Variants in GRIP1 observed in about 807,000 individuals in gnomAD.
GRIP1 encodes the protein glutamate receptor-interacting protein 1.
GRIP1 carries 45 observed loss-of-function variants against 129.9 expected under a neutral mutation model. That is an observed-to-expected ratio of 0.35 (90% CI 0.27 to 0.44). The LOEUF is 0.44. GRIP1 is among the 20% of genes least tolerant of loss of function. The pLI, the probability that GRIP1 is intolerant of heterozygous loss-of-function variation, is 1.00. For synonymous variants in GRIP1, 530 were observed against 520.8 expected (o/e 1.02, Z -0.24); for missense variants, 1,196 against 1,396.8 (o/e 0.86, Z 2.29).
At chr12:66,407,184 T>C (rs1565707735) in intron 15 of GRIP1, among the ~76,000 whole-genome samples, 1 of 152,186 alleles carries the variant, frequency 6.6e-6, no homozygotes, top group Non-Finnish European at 1.5e-5. Context: ...CCTTCCCTTC[T>C]TTTAAGTTAC....
chr12:66,658,132 G>T (rs371024497), intron 1 of GRIP1, among the ~76,000 whole-genome samples: 1 of 151,866 alleles, frequency 6.6e-6, no homozygotes, highest in Non-Finnish European at 1.5e-5. Context: ...ATATATATAA[G>T]AATATTTATA....
intron 1 of GRIP1, among the ~76,000 whole-genome samples, chr12:66,800,144 A>C (rs1196463090): frequency 1.3e-5 from 2 of 152,202 alleles, no homozygotes; most frequent in Non-Finnish European, 2.9e-5. Flanking sequence ...AAATGAAATA[A>C]TTTGTACATA....
intron 1 of GRIP1, among the ~76,000 whole-genome samples, chr12:66,602,836 C>G (rs748171449): frequency 6.8e-6 from 1 of 146,316 alleles, no homozygotes; most frequent in Non-Finnish European, 1.5e-5. Context: ...CCTAAAGGGA[C>G]CAGATCTTTT....
intron 1 of GRIP1, among the ~76,000 whole-genome samples, chr12:67,063,682 A>G (rs1022372307): frequency 3.3e-5 from 5 of 152,232 alleles, no homozygotes; most frequent in African/African-American, 7.2e-5. Flanking sequence ...AAATGCCTTT[A>G]ATAGTTTGCC....
chr12:67,011,512 C>T (rs182702202), intron 1 of GRIP1, among the ~76,000 whole-genome samples: 203 of 152,246 alleles, frequency 1.3e-3, no homozygotes, highest in Non-Finnish European at 1.4e-3. Context: ...GCTCCACTGG[C>T]CTTCCTTTAT....
At chr12:66,395,923 G>C (rs1439618091) in intron 16 of GRIP1, among the ~76,000 whole-genome samples, 1 of 152,086 alleles carries the variant, frequency 6.6e-6, no homozygotes. Flanking sequence ...CAAGATAGAG[G>C]GTAACCAAAT....
chr12:66,420,200 A>C (rs951959625), intron 15 of GRIP1, among the ~76,000 whole-genome samples: 2 of 152,184 alleles, frequency 1.3e-5, no homozygotes, highest in Non-Finnish European at 2.9e-5. Context: ...ATGGTCTTAT[A>C]TCAGTATCCT....
intron 1 of GRIP1, among the ~76,000 whole-genome samples, chr12:66,980,384 G>A (rs1459890482): frequency 4.6e-5 from 7 of 151,992 alleles, no homozygotes; most frequent in East Asian, 1.9e-4. Context: ...AGGCTGAGGC[G>A]GGTGAGTTAC....
chr12:66,446,658 C>T (rs2058639881), intron 11 of GRIP1, among the ~76,000 whole-genome samples: 1 of 152,188 alleles, frequency 6.6e-6, no homozygotes, highest in African/African-American at 2.4e-5. Flanking sequence ...GACTTCAGGA[C>T]TTGCCTCTTA....
intron 1 of GRIP1, among the ~76,000 whole-genome samples, chr12:66,620,837 C>A (rs1226113960): frequency 4.0e-5 from 6 of 151,874 alleles, no homozygotes; most frequent in Non-Finnish European, 8.8e-5. Flanking sequence ...GGTGCATAAG[C>A]TGCTTCTTCC....
intron 23 of GRIP1, among the ~76,000 whole-genome samples, chr12:66,354,379 T>C (rs752871392): frequency 6.6e-6 from 1 of 152,162 alleles, no homozygotes; most frequent in Non-Finnish European, 1.5e-5. Flanking sequence ...GTTCCTACCA[T>C]ATTGTAAGCA....
chr12:67,058,091 G>A (rs1488331767), intron 1 of GRIP1, among the ~76,000 whole-genome samples: 2 of 152,184 alleles, frequency 1.3e-5, no homozygotes, highest in Non-Finnish European at 2.9e-5. Flanking sequence ...ATCAGTAATA[G>A]TAGATATAAA....
chr12:66,363,229 AAAGTTTCTG>A (rs2054915102), intron 23 of GRIP1, among the ~76,000 whole-genome samples: 1 of 129,690 alleles, frequency 7.7e-6, no homozygotes, highest in African/African-American at 2.8e-5. Flanking sequence ...ATATATATAT[AAAGTTTCTG>A]TATCTCTTTT....
intron 1 of GRIP1, among the ~76,000 whole-genome samples, chr12:66,659,209 T>TC (rs892038230): frequency 6.6e-6 from 1 of 152,176 alleles, no homozygotes; most frequent in African/African-American, 2.4e-5. Context: ...AATAGCGCTT[T>TC]CCCCCTCACT....
chr12:66,426,151 T>C (rs939157976), intron 14 of GRIP1, among the ~76,000 whole-genome samples: 2 of 152,154 alleles, frequency 1.3e-5, no homozygotes, highest in Non-Finnish European at 1.5e-5. Flanking sequence ...TTTCTGTGGG[T>C]ATTTCCATCC....
chr12:66,615,073 C>T (rs1183035331), intron 1 of GRIP1, among the ~76,000 whole-genome samples: 1 of 152,128 alleles, frequency 6.6e-6, no homozygotes, highest in Non-Finnish European at 1.5e-5. Context: ...TAATGTCTGT[C>T]TCCCTTACTA....
chr12:66,494,112 T>C (rs2060175095), intron 7 of GRIP1, among the ~76,000 whole-genome samples: 1 of 152,212 alleles, frequency 6.6e-6, no homozygotes, highest in Non-Finnish European at 1.5e-5. Flanking sequence ...AGATAATTAA[T>C]TCATTGTCTC....
intron 1 of GRIP1, among the ~76,000 whole-genome samples, chr12:66,973,271 A>C (rs1367871963): frequency 5.3e-5 from 8 of 150,352 alleles, no homozygotes; most frequent in South Asian, 4.2e-4. Flanking sequence ...AACAAAAAAA[A>C]CCCACATTAT....
intron 13 of GRIP1, among the ~76,000 whole-genome samples, chr12:66,442,659 G>C (rs918574020): frequency 6.6e-5 from 10 of 152,096 alleles, no homozygotes; most frequent in Non-Finnish European, 1.5e-4. Flanking sequence ...AGCCTCTTGA[G>C]TAGCTGGGAC....
Sources: gnomAD v4.1 joint callset for allele counts (sites outside exome capture counted in the v4.1 genomes callset) on GRCh38, gnomAD v4.1.1 for gene constraint, MANE v1.5 for transcripts, NCBI Gene and HGNC (gene_info 2026-07-23, HGNC 2026-07-21) for gene names.